Variants in GABRG3 observed in about 807,000 individuals in gnomAD.
The protein encoded by GABRG3 is gamma-aminobutyric acid type A receptor subunit gamma3.
GABRG3 carries 25 observed loss-of-function variants against 48.8 expected under a neutral mutation model. The ratio of observed to expected loss-of-function variants is 0.51; its 90% CI spans 0.37 to 0.72. The LOEUF (loss-of-function observed/expected upper bound fraction) is 0.72, where lower values mean the gene tolerates loss of function less well. Ranked by LOEUF, GABRG3 falls within the 30% of genes least tolerant of loss-of-function variation. The probability of loss-of-function intolerance (pLI) is 0.00; values close to 1 mark genes in which losing one functional copy is unlikely to be tolerated. For synonymous variants in GABRG3, 227 were observed against 217.6 expected (o/e 1.04, Z -0.38); for missense variants, 394 against 577.9 (o/e 0.68, Z 3.26).
intron 3 of GABRG3, among the ~76,000 whole-genome samples, chr15:27,288,127 C>T (rs1891677307): frequency 6.6e-6 from 1 of 151,760 alleles, no homozygotes; most frequent in Non-Finnish European, 1.5e-5. Context: ...GAATAATGGG[C>T]CCCCAGACAT....
chr15:26,991,362 C>T (rs1422990679), intron 2 of GABRG3, among the ~76,000 whole-genome samples: 1 of 151,326 alleles, frequency 6.6e-6, no homozygotes, highest in Non-Finnish European at 1.5e-5. Flanking sequence ...ATGATTCGTT[C>T]AATTTTTTTT....
chr15:27,259,662 A>G (rs1180044815), intron 3 of GABRG3, among the ~76,000 whole-genome samples: 1 of 152,166 alleles, frequency 6.6e-6, no homozygotes, highest in South Asian at 2.1e-4. Context: ...TTAACTTGTC[A>G]GTAAGTCTCT....
intron 5 of GABRG3, among the ~76,000 whole-genome samples, chr15:27,342,585 G>C (rs1449428540): frequency 2.0e-5 from 3 of 152,232 alleles, no homozygotes; most frequent in Non-Finnish European, 4.4e-5. Flanking sequence ...GCAAGGGTTC[G>C]CAGATTCTCA....
At chr15:27,497,039 T>C (rs1890504421) in intron 6 of GABRG3, among the ~76,000 whole-genome samples, 1 of 152,198 alleles carries the variant, frequency 6.6e-6, no homozygotes, top group Non-Finnish European at 1.5e-5. Context: ...CACCAGTCCA[T>C]AGCCCAGATG....
chr15:27,288,981 C>T (rs1891710486), intron 3 of GABRG3, among the ~76,000 whole-genome samples: 1 of 152,086 alleles, frequency 6.6e-6, no homozygotes, highest in Non-Finnish European at 1.5e-5. Flanking sequence ...TCTTTCTGCA[C>T]TTGAAAAATG....
At chr15:27,031,075 C>CACACACAT (rs1018080432) in intron 3 of GABRG3, among the ~76,000 whole-genome samples, 2 of 151,700 alleles carry the variant, frequency 1.3e-5, no homozygotes, top group African/African-American at 4.9e-5. Context: ...CACACACACA[C>CACACACAT]ACACACACAC....
chr15:27,298,302 A>G (rs989229950), intron 3 of GABRG3, among the ~76,000 whole-genome samples: 2 of 152,198 alleles, frequency 1.3e-5, no homozygotes, highest in Non-Finnish European at 2.9e-5. Context: ...TATCTGAAGC[A>G]GGTCTCAATC....
chr15:27,394,607 A>G (rs1887244137), intron 5 of GABRG3, among the ~76,000 whole-genome samples: 1 of 152,110 alleles, frequency 6.6e-6, no homozygotes, highest in Admixed American at 6.5e-5. Flanking sequence ...ATTTTAGCCA[A>G]AAGACTCTAG....
intron 6 of GABRG3, among the ~76,000 whole-genome samples, chr15:27,498,649 C>A (rs1890545488): frequency 6.6e-6 from 1 of 152,082 alleles, no homozygotes; most frequent in African/African-American, 2.4e-5. Flanking sequence ...CGCCACCATG[C>A]CTGGCTAACT....
chr15:27,469,726 A>G (rs1299768955), intron 5 of GABRG3, among the ~76,000 whole-genome samples: 3 of 152,118 alleles, frequency 2.0e-5, no homozygotes, highest in Non-Finnish European at 4.4e-5. Flanking sequence ...CACACATCCT[A>G]GGTTTGGCTG....
intron 3 of GABRG3, among the ~76,000 whole-genome samples, chr15:27,252,490 C>CTCCT (rs1890490749): frequency 6.6e-6 from 1 of 152,218 alleles, no homozygotes; most frequent in South Asian, 2.1e-4. Flanking sequence ...TTGTCCAGGT[C>CTCCT]GGTCAGAACA....
At chr15:26,972,526 C>G (rs545230312) in intron 1 of GABRG3, among the ~76,000 whole-genome samples, 3 of 152,282 alleles carry the variant, frequency 2.0e-5, no homozygotes, top group African/African-American at 7.2e-5. Flanking sequence ...GCCTTTACCT[C>G]TTTCCCCACC....
chr15:27,234,401 C>T (rs1844566535), intron 3 of GABRG3, among the ~76,000 whole-genome samples: 1 of 152,120 alleles, frequency 6.6e-6, no homozygotes, highest in Non-Finnish European at 1.5e-5. Context: ...AGTCTCTGGG[C>T]CTCCGTCTTC....
At chr15:27,138,888 G>A (rs530336881) in intron 3 of GABRG3, among the ~76,000 whole-genome samples, 21 of 152,304 alleles carry the variant, frequency 1.4e-4, no homozygotes, top group African/African-American at 4.8e-4. Context: ...AATGTGGATA[G>A]AAATGTTTTT....
chr15:27,106,563 G>A (rs552285031), intron 3 of GABRG3, among the ~76,000 whole-genome samples: 1 of 151,880 alleles, frequency 6.6e-6, no homozygotes, highest in African/African-American at 2.4e-5. Context: ...GCAGGCAGAA[G>A]GAAGACAGTA....
At chr15:27,308,329 TATATAAACATA>T (rs201972668) in intron 3 of GABRG3, among the ~76,000 whole-genome samples, 1,694 of 140,942 alleles carry the variant, frequency 0.012, 30 homozygotes, top group Non-Finnish European at 0.02. Context: ...CATACGTTTA[TATATAAACATA>T]ATATAAACAT....
At chr15:27,057,049 C>A (rs1307664410) in intron 3 of GABRG3, among the ~76,000 whole-genome samples, 2 of 152,200 alleles carry the variant, frequency 1.3e-5, no homozygotes, top group Non-Finnish European at 2.9e-5. Flanking sequence ...GTAAACATTG[C>A]TCTCATGTCC....
intron 3 of GABRG3, among the ~76,000 whole-genome samples, chr15:27,090,473 A>G (rs1027619710): frequency 2.6e-5 from 4 of 152,214 alleles, no homozygotes; most frequent in Non-Finnish European, 5.9e-5. Context: ...AGTGTTTTCT[A>G]TAGCAGCTGC....
chr15:27,178,969 C>T (rs1224047072), intron 3 of GABRG3, among the ~76,000 whole-genome samples: 1 of 152,156 alleles, frequency 6.6e-6, no homozygotes, highest in African/African-American at 2.4e-5. Context: ...GTTCTGGTTT[C>T]TATGACCTGC....
Sources: allele counts gnomAD v4.1 joint callset (sites outside exome capture counted in the v4.1 genomes callset), GRCh38; gene constraint gnomAD v4.1.1; transcripts MANE v1.5; gene names NCBI Gene and HGNC (gene_info 2026-07-23, HGNC 2026-07-21).